SFMBT2: variants seen among roughly 807,000 people sequenced by gnomAD.
The protein encoded by SFMBT2 is scm-like with four MBT domains protein 2.
In SFMBT2, 38 loss-of-function variants were observed where a neutral mutation model predicts 110.1. That is an observed-to-expected ratio of 0.35 (90% CI 0.27 to 0.45). The LOEUF (loss-of-function observed/expected upper bound fraction) is 0.45, where lower values mean the gene tolerates loss of function less well. Among genes scored for constraint, SFMBT2 ranks in the 20% least tolerant of loss-of-function variants. The probability of loss-of-function intolerance (pLI) is 1.00; values close to 1 mark genes in which losing one functional copy is unlikely to be tolerated. For synonymous variants in SFMBT2, 425 were observed against 425.4 expected, an observed-to-expected ratio of 1.00 and a Z score of 0.01; for missense variants, 1,011 against 1,094.9, an observed-to-expected ratio of 0.92 and a Z score of 1.08.
At chr10:7,394,544 T>A (rs1391814986) in intron 1 of SFMBT2, among the ~76,000 whole-genome samples, 1 of 103,172 alleles carries the variant, frequency 9.7e-6, no homozygotes, top group Non-Finnish European at 1.9e-5. Flanking sequence ...CTCACCCCCC[T>A]GGCAGCTCCC....
chr10:7,282,779 C>T (rs1324561724), intron 6 of SFMBT2, among the ~76,000 whole-genome samples: 1 of 152,124 alleles, frequency 6.6e-6, no homozygotes, highest in Admixed American at 6.6e-5. Context: ...ACACTAACAT[C>T]GGCAACTAAT....
intron 7 of SFMBT2, among the ~76,000 whole-genome samples, chr10:7,254,256 T>C (rs1840919720): frequency 6.6e-6 from 1 of 152,054 alleles, no homozygotes. Flanking sequence ...CTATCATTCA[T>C]CCAATAAGCA....
chr10:7,188,763 C>A, intron 15 of SFMBT2, 30 bp from the exon 16 acceptor site: 1 of 1,567,222 alleles, frequency 6.4e-7, no homozygotes, highest in African/African-American at 1.4e-5. Context: ...GCAGACTGAG[C>A]TGCAATTGCA....
intron 1 of SFMBT2, among the ~76,000 whole-genome samples, chr10:7,392,198 C>G (rs1487340466): frequency 6.6e-6 from 1 of 152,166 alleles, no homozygotes; most frequent in Non-Finnish European, 1.5e-5. Context: ...CCCTTTATAC[C>G]TTTTCTTTAT....
chr10:7,396,435 G>T (rs1020321003), intron 1 of SFMBT2, among the ~76,000 whole-genome samples: 1 of 152,080 alleles, frequency 6.6e-6, no homozygotes, highest in Non-Finnish European at 1.5e-5. Context: ...ACAGTTTCCC[G>T]CCCACTGTCA....
rs1837611991 is a variant in SFMBT2, at chr10:7,163,660, T to C, written c.*110A>G. On this transcript the variant is annotated 3_prime_UTR_variant, in exon 21 of 21. Transcript: ENST00000397167. This position sits in a 1 kb window ranked among gnomAD's most constrained non-coding sequence, Gnocchi z 4.8. Reference sequence around the variant, plus strand: ...TCCTGGGCTTCTGGTTTTCTGGTGATACTTAGTGGCTGTACCATTTAACAT... The same window carrying C: ...TCCTGGGCTTCTGGTTTTCTGGTGACACTTAGTGGCTGTACCATTTAACAT... 3.1e-6 allele frequency: 3 copies of C among 957,658 alleles called. No homozygotes were observed. Among genetic ancestry groups the C allele is most frequent in the Non-Finnish European group, 4.7e-6 (3 of 638,486 alleles). The allele number at this position is 957,658 out of a possible 1,614,324, so 59.3% of individuals were successfully genotyped here.
chr10:7,203,313 T>C (rs950057012), intron 12 of SFMBT2: 1 of 166,408 alleles, frequency 6.0e-6, no homozygotes, highest in Non-Finnish European at 1.2e-5. Context: ...TACTCTTGAC[T>C]ATCTGATATT....
At chr10:7,328,405 TCA>T (rs1452993113) in intron 4 of SFMBT2, among the ~76,000 whole-genome samples, 1 of 152,264 alleles carries the variant, frequency 6.6e-6, no homozygotes, top group Non-Finnish European at 1.5e-5. Context: ...ATATTTTCTC[TCA>T]GTCTGTATTT....
chr10:7,222,455 G>C (rs1452131629), intron 10 of SFMBT2, among the ~76,000 whole-genome samples: 2 of 152,134 alleles, frequency 1.3e-5, no homozygotes, highest in East Asian at 3.8e-4. Flanking sequence ...TGTCAGCAGG[G>C]GTGGCTTCTT....
rs1364842540 is a variant in SFMBT2, at chr10:7,158,632, A to G, written c.*5138T>C. On this transcript the variant is annotated 3_prime_UTR_variant, in exon 21 of 21. Transcript: ENST00000397167. ...AGACCCAAACACCACCATAGAATTT[A>G]TTTTTACTTTATTAACAATGTGGCT... The G allele has an allele frequency of 1.3e-5, 2 of 152,242 alleles. No individual in the cohort carries two copies. Among genetic ancestry groups the G allele is most frequent in the Admixed American group, 1.3e-4 (2 of 15,292 alleles). 9.4% of individuals were successfully genotyped at this position (152,242 alleles called of 1,614,324 possible).
chr10:7,272,912 C>A (rs1261006982), intron 7 of SFMBT2, among the ~76,000 whole-genome samples: 1 of 152,224 alleles, frequency 6.6e-6, no homozygotes, highest in Non-Finnish European at 1.5e-5. Flanking sequence ...CCTGCCTCAG[C>A]CTCCTGAGTA....
chr10:7,213,325 A>G (rs747320372), intron 11 of SFMBT2, among the ~76,000 whole-genome samples: 2 of 152,170 alleles, frequency 1.3e-5, no homozygotes, highest in Admixed American at 6.5e-5. Flanking sequence ...TACAGAAATA[A>G]CCTCAAAGCC....
chr10:7,354,087 C>CAA (rs35454902), intron 4 of SFMBT2, among the ~76,000 whole-genome samples: 1,275 of 123,350 alleles, frequency 0.01, 22 homozygotes, highest in African/African-American at 0.034. Flanking sequence ...ACTCCCTCTC[C>CAA]AAAAAAAAAA....
chr10:7,276,854 A>C (rs772697964), intron 7 of SFMBT2, 38 bp downstream of exon 7: 2 of 846,414 alleles, frequency 2.4e-6, no homozygotes, highest in Non-Finnish European at 4.2e-6. Context: ...TTTTATTCTC[A>C]AAAAGGGTAG....
At chr10:7,234,453 T>C (rs568772004) in intron 9 of SFMBT2, among the ~76,000 whole-genome samples, 2 of 152,302 alleles carry the variant, frequency 1.3e-5, no homozygotes, top group East Asian at 1.9e-4. Context: ...ATCATATAAA[T>C]ATCAGCTGTC....
chr10:7,315,100 GAAAGAAAGAAAA>G (rs1194029644), intron 4 of SFMBT2, among the ~76,000 whole-genome samples: 107 of 144,822 alleles, frequency 7.4e-4, no homozygotes, highest in South Asian at 1.7e-3. Flanking sequence ...AAGAAAGAAA[GAAAGAAAGAAAA>G]AGCAAGCAAG....
In SFMBT2 at chr10:7,171,284, G is replaced by A. The variant is rs1837865528; in HGVS notation, c.2416-228C>T. 4 of 795,676 alleles carry A rather than the reference G, an allele frequency of 5.0e-6. No homozygotes were observed. Among genetic ancestry groups the A allele is most frequent in the Non-Finnish European group, 6.1e-6 (4 of 656,780 alleles). The allele number at this position is 795,676 out of a possible 1,614,324, so 49.3% of individuals were successfully genotyped here. ...TGTGCCTTCAGATGGAAGAAGGCAG[G>A]CACAGTGACAGTCGCTCTTGCATCC... On this transcript the variant is annotated intron_variant, in intron 19 of 20. Transcript: ENST00000397167. The surrounding 1 kb of genome is among the most constrained non-coding windows in gnomAD (Gnocchi z 4.9).
chr10:7,377,003 T>C (rs1446460081), intron 2 of SFMBT2, among the ~76,000 whole-genome samples: 2 of 150,952 alleles, frequency 1.3e-5, no homozygotes, highest in East Asian at 3.9e-4. Flanking sequence ...ACCCCATCTC[T>C]ACTAAAAATA....
chr10:7,208,980 C>T (rs1377840460), intron 11 of SFMBT2, among the ~76,000 whole-genome samples: 1 of 152,232 alleles, frequency 6.6e-6, no homozygotes, highest in South Asian at 2.1e-4. Flanking sequence ...CAAATATATC[C>T]CATTAAGGCA....
Sources: gnomAD v4.1 joint callset for allele counts (sites outside exome capture counted in the v4.1 genomes callset) on GRCh38, gnomAD v4.1.1 for gene constraint, Gnocchi (gnomAD v3.1) non-coding constraint, MANE v1.5 for transcripts, NCBI Gene and HGNC (gene_info 2026-07-23, HGNC 2026-07-21) for gene names.